The following ADGRA3 variants were observed in gnomAD, a reference collection of about 807,000 sequenced individuals.
The protein encoded by ADGRA3 is adhesion G protein-coupled receptor A3.
In ADGRA3, 56 loss-of-function variants were observed where a neutral mutation model predicts 119.8. The observed-to-expected ratio is 0.47, with a 90% confidence interval of 0.38 to 0.58. ADGRA3 has a LOEUF of 0.58. ADGRA3 is among the 20% of genes least tolerant of loss of function. The probability of loss-of-function intolerance (pLI) is 0.00; values close to 1 mark genes in which losing one functional copy is unlikely to be tolerated. For synonymous variants in ADGRA3, 607 were observed against 623.8 expected, an observed-to-expected ratio of 0.97 and a Z score of 0.40; for missense variants, 1,516 against 1,649.0, an observed-to-expected ratio of 0.92 and a Z score of 1.40.
At chr4:22,464,108 C>A (rs551080274) in intron 2 of ADGRA3, among the ~76,000 whole-genome samples, 2 of 152,260 alleles carry the variant, frequency 1.3e-5, no homozygotes, top group South Asian at 4.2e-4. Context: ...AAACTCCCTG[C>A]AACCACCACC....
chr4:22,493,033 C>G (rs998541498), intron 1 of ADGRA3, among the ~76,000 whole-genome samples: 1 of 152,034 alleles, frequency 6.6e-6, no homozygotes, highest in Non-Finnish European at 1.5e-5. Flanking sequence ...GGCACAATCA[C>G]AGCTCACTGC....
chr4:22,461,199 T>C (rs1339317610), intron 3 of ADGRA3, among the ~76,000 whole-genome samples: 1 of 152,246 alleles, frequency 6.6e-6, no homozygotes, highest in African/African-American at 2.4e-5. Flanking sequence ...AAAGCCGACA[T>C]GGTAATGATT....
chr4:22,462,376 T>C (rs1445734836), intron 2 of ADGRA3, among the ~76,000 whole-genome samples: 1 of 152,114 alleles, frequency 6.6e-6, no homozygotes, highest in Non-Finnish European at 1.5e-5. Flanking sequence ...TGCAGTGGCG[T>C]GATCCTGACT....
chr4:22,444,307 T>C (rs942674041), intron 6 of ADGRA3, among the ~76,000 whole-genome samples: 1 of 152,036 alleles, frequency 6.6e-6, no homozygotes, highest in African/African-American at 2.4e-5. Context: ...TTTTTTGAGA[T>C]GGAGTTTCAC....
chr4:22,453,088 G>A (rs1363204823), intron 4 of ADGRA3, among the ~76,000 whole-genome samples: 1 of 151,550 alleles, frequency 6.6e-6, no homozygotes, highest in Non-Finnish European at 1.5e-5. Flanking sequence ...TGTAATCCCA[G>A]CTACTCGCAA....
intron 1 of ADGRA3, among the ~76,000 whole-genome samples, chr4:22,512,881 G>T (rs142474094): frequency 2.0e-5 from 3 of 148,242 alleles, no homozygotes; most frequent in Non-Finnish European, 3.0e-5. Context: ...ACTTCAACAC[G>T]CTACCTACTA....
intron 4 of ADGRA3, among the ~76,000 whole-genome samples, chr4:22,448,176 C>A (rs150472933): frequency 6.6e-6 from 1 of 152,082 alleles, no homozygotes; most frequent in Non-Finnish European, 1.5e-5. Flanking sequence ...ACGATTTGAC[C>A]GAATTATTTC....
intron 14 of ADGRA3, among the ~76,000 whole-genome samples, chr4:22,409,558 G>A (rs1229662605): frequency 6.6e-6 from 1 of 152,142 alleles, no homozygotes; most frequent in African/African-American, 2.4e-5. Flanking sequence ...TGGGGGTGAT[G>A]ACAGTACTAT....
chr4:22,443,585 G>A (rs1041810257), intron 6 of ADGRA3, among the ~76,000 whole-genome samples: 3 of 151,922 alleles, frequency 2.0e-5, no homozygotes, highest in Non-Finnish European at 4.4e-5. Context: ...AATTATTAAC[G>A]AGCTAAATAT....
chr4:22,410,009 A>G (rs1307671345), intron 14 of ADGRA3, among the ~76,000 whole-genome samples: 1 of 152,204 alleles, frequency 6.6e-6, no homozygotes, highest in Non-Finnish European at 1.5e-5. Context: ...CATCACTAGC[A>G]TTTATGTTCA....
At chr4:22,448,494 A>T (rs1716909002) in intron 4 of ADGRA3, among the ~76,000 whole-genome samples, 1 of 152,200 alleles carries the variant, frequency 6.6e-6, no homozygotes, top group African/African-American at 2.4e-5. Flanking sequence ...ATGGGATAGA[A>T]ATCCAGAGTC....
At chr4:22,513,637 A>C (rs1719529884) in intron 1 of ADGRA3, among the ~76,000 whole-genome samples, 1 of 151,140 alleles carries the variant, frequency 6.6e-6, no homozygotes, top group East Asian at 2.0e-4. Context: ...TCAGCCTTCC[A>C]AGTAGCTGGA....
At chr4:22,431,849 T>C (rs1019864352) in intron 10 of ADGRA3, among the ~76,000 whole-genome samples, 1 of 152,192 alleles carries the variant, frequency 6.6e-6, no homozygotes, top group Non-Finnish European at 1.5e-5. Context: ...TAGAAATGTT[T>C]GGGGTCTTTA....
chr4:22,392,793 G>A (rs1275264140), intron 16 of ADGRA3, 103 bp from the exon 17 acceptor site: 10 of 1,010,830 alleles, frequency 9.9e-6, no homozygotes, highest in Non-Finnish European at 1.4e-5. Context: ...AAAGCAGCAG[G>A]AAGGCCTATC....
At chr4:22,454,755 C>T (rs987031596) in intron 4 of ADGRA3, 111 bp downstream of exon 4, 6 of 779,914 alleles carry the variant, frequency 7.7e-6, no homozygotes, top group Non-Finnish European at 1.3e-5. Flanking sequence ...CCTATGGCTT[C>T]TATAACCCCT....
At chr4:22,391,560 T>C (rs1323334983) in intron 17 of ADGRA3, among the ~76,000 whole-genome samples, 3 of 152,144 alleles carry the variant, frequency 2.0e-5, no homozygotes, top group South Asian at 2.1e-4. Context: ...GCTGCCCTAA[T>C]AACCTCAGCA....
At chr4:22,390,384 C>T (rs1365669530) in intron 17 of ADGRA3, among the ~76,000 whole-genome samples, 1 of 23,380 alleles carries the variant, frequency 4.3e-5, no homozygotes, top group Non-Finnish European at 1.2e-4. Flanking sequence ...ATATATAATA[C>T]GTATTATATA....
At chr4:22,433,698 C>G in intron 10 of ADGRA3, among the ~76,000 whole-genome samples, 1 of 152,152 alleles carries the variant, frequency 6.6e-6, no homozygotes, top group Admixed American at 6.6e-5. Context: ...TGTCCACATT[C>G]CAAATGTCAT....
chr4:22,410,236 A>G (rs139338917), intron 14 of ADGRA3, among the ~76,000 whole-genome samples: 1 of 152,338 alleles, frequency 6.6e-6, no homozygotes, highest in African/African-American at 2.4e-5. Flanking sequence ...ACTAGTGATT[A>G]AAGTATTAAG....
Sources: allele counts gnomAD v4.1 joint callset (sites outside exome capture counted in the v4.1 genomes callset), GRCh38; gene constraint gnomAD v4.1.1; transcripts MANE v1.5; gene names NCBI Gene and HGNC (gene_info 2026-07-23, HGNC 2026-07-21).